The following GPHN variants were observed in gnomAD, a reference collection of about 807,000 sequenced individuals.
GPHN encodes the protein gephyrin.
Under a neutral mutation model 95.5 loss-of-function variants are expected in GPHN, and 17 were observed. The observed-to-expected ratio is 0.18, with a 90% CI of 0.12 to 0.27. The LOEUF is 0.27. GPHN is among the 10% of genes least tolerant of loss of function. The pLI is 1.00. For synonymous variants in GPHN, 320 were observed against 322.5 expected (o/e 0.99, Z 0.08); for missense variants, 660 against 978.1 (o/e 0.67, Z 4.34).
chr14:66,981,184 ATTAG>A (rs762115014), intron 9 of GPHN, among the ~76,000 whole-genome samples: 14 of 152,222 alleles, frequency 9.2e-5, no homozygotes, highest in African/African-American at 2.6e-4. Flanking sequence ...TTATCCTTTT[ATTAG>A]TTTAGTTTTA....
intron 1 of GPHN, among the ~76,000 whole-genome samples, chr14:66,619,543 C>T (rs1307203911): frequency 2.7e-5 from 4 of 148,656 alleles, no homozygotes; most frequent in Non-Finnish European, 5.9e-5. Context: ...TCTATTCAAA[C>T]GTTTTATCCT....
At chr14:67,218,539 T>G in the GPHN span, among the ~76,000 whole-genome samples, 1 of 152,202 alleles carries the variant, frequency 6.6e-6, no homozygotes, top group East Asian at 1.9e-4. Context: ...CTTATGGGAC[T>G]GTTTCTCTGG....
chr14:67,485,815 G>A, the GPHN span, among the ~76,000 whole-genome samples: 1 of 152,366 alleles, frequency 6.6e-6, no homozygotes. Context: ...CCTACCTCGA[G>A]CTTGTCTCGC....
the GPHN span, among the ~76,000 whole-genome samples, chr14:67,329,551 G>C: frequency 6.6e-6 from 1 of 152,138 alleles, no homozygotes; most frequent in Non-Finnish European, 1.5e-5. Flanking sequence ...TCCCTGTCTT[G>C]CGCCAGTTTT....
At chr14:66,903,350 C>A (rs1473944684) in intron 5 of GPHN, among the ~76,000 whole-genome samples, 3 of 152,184 alleles carry the variant, frequency 2.0e-5, no homozygotes, top group Admixed American at 6.6e-5. Flanking sequence ...TATATAATCT[C>A]CTCCTTTGTC....
the GPHN span, chr14:67,345,655 TG>T: frequency 1.5e-6 from 1 of 647,302 alleles, no homozygotes. Flanking sequence ...CATAGGATCA[TG>T]GGAACAGTTA....
At chr14:66,539,539 T>C (rs939141397) in intron 1 of GPHN, among the ~76,000 whole-genome samples, 5 of 151,536 alleles carry the variant, frequency 3.3e-5, no homozygotes, top group African/African-American at 1.2e-4. Flanking sequence ...CTCAGGTTCC[T>C]GAGTAGCTGG....
intron 5 of GPHN, among the ~76,000 whole-genome samples, chr14:66,904,123 G>A (rs1404439513): frequency 1.3e-5 from 2 of 152,014 alleles, no homozygotes; most frequent in Non-Finnish European, 2.9e-5. Flanking sequence ...TCGTGGTCTC[G>A]CTGACTTCAA....
the GPHN span, among the ~76,000 whole-genome samples, chr14:67,631,262 T>C: frequency 1.3e-5 from 2 of 152,180 alleles, no homozygotes; most frequent in Admixed American, 6.5e-5. Context: ...TAGGCCATCA[T>C]TGCAATAAAC....
the GPHN span, among the ~76,000 whole-genome samples, chr14:67,623,938 T>C: frequency 6.6e-6 from 1 of 152,170 alleles, no homozygotes; most frequent in Non-Finnish European, 1.5e-5. Flanking sequence ...CCTCCTGGAC[T>C]CAAGCGATCC....
At chr14:67,586,019 TGTG>T in the GPHN span, 1 of 1,613,844 alleles carries the variant, frequency 6.2e-7, no homozygotes, top group Admixed American at 1.7e-5. Flanking sequence ...ACTTCATGCT[TGTG>T]ATTAGATCTA....
chr14:67,232,399 G>A, the GPHN span, among the ~76,000 whole-genome samples: 1,759 of 152,288 alleles, frequency 0.012, 17 homozygotes, highest in Non-Finnish European at 0.018. Flanking sequence ...GACTCCTGGA[G>A]GCAGATCCTT....
chr14:66,918,908 A>G (rs555258975), intron 6 of GPHN, among the ~76,000 whole-genome samples: 2 of 152,120 alleles, frequency 1.3e-5, no homozygotes, highest in African/African-American at 4.8e-5. Flanking sequence ...ACCCTCCAAA[A>G]ATTTTTAAGA....
At chr14:67,178,912 ATG>A (rs2083167458) in intron 21 of GPHN, among the ~76,000 whole-genome samples, 1 of 152,148 alleles carries the variant, frequency 6.6e-6, no homozygotes, top group Non-Finnish European at 1.5e-5. Context: ...GGAATGATGT[ATG>A]TAAAGTGCTG....
At chr14:67,124,691 C>G (rs2153693610) in intron 17 of GPHN, among the ~76,000 whole-genome samples, 1 of 152,210 alleles carries the variant, frequency 6.6e-6, no homozygotes, top group Middle Eastern at 3.4e-3. Context: ...TGGCTCTGGC[C>G]CTACCTCTAA....
the GPHN span, among the ~76,000 whole-genome samples, chr14:67,341,087 A>G: frequency 0.16 from 23,674 of 151,920 alleles, 3,491 homozygotes; most frequent in East Asian, 0.42. Context: ...GCCTCTGCCC[A>G]GCCGCCACCC....
chr14:67,119,077 G>C (rs147294674), intron 16 of GPHN, among the ~76,000 whole-genome samples: 1 of 152,156 alleles, frequency 6.6e-6, no homozygotes, highest in African/African-American at 2.4e-5. Flanking sequence ...TAAAATAGGT[G>C]AATTGGTGGA....
At chr14:66,778,765 C>T (rs1286589548) in intron 3 of GPHN, among the ~76,000 whole-genome samples, 8 of 111,308 alleles carry the variant, frequency 7.2e-5, no homozygotes, top group African/African-American at 2.5e-4. Context: ...GAGACAGTCT[C>T]GCTCTGTCAC....
chr14:67,098,612 C>T (rs2077523645), intron 12 of GPHN, among the ~76,000 whole-genome samples: 1 of 151,978 alleles, frequency 6.6e-6, no homozygotes, highest in Non-Finnish European at 1.5e-5. Flanking sequence ...GAGTTTGACA[C>T]CAGCCTGACC....
Sources: gnomAD v4.1 joint callset for allele counts (sites outside exome capture counted in the v4.1 genomes callset) on GRCh38, gnomAD v4.1.1 for gene constraint, MANE v1.5 for transcripts, NCBI Gene and HGNC (gene_info 2026-07-23, HGNC 2026-07-21) for gene names.